Variants in DAG1 observed in about 807,000 individuals in gnomAD.
DAG1 encodes the protein dystroglycan 1 (dystrophin-associated glycoprotein 1).
DAG1 carries 8 observed loss-of-function variants against 46.1 expected under a neutral mutation model. The observed-to-expected ratio is 0.17, with a 90% CI of 0.10 to 0.31. The LOEUF is 0.31. DAG1 is among the 10% of genes least tolerant of loss of function. The pLI, the probability that DAG1 is intolerant of heterozygous loss-of-function variation, is 1.00. For missense variants in DAG1, 1,003 were observed against 1,189.9 expected, an observed-to-expected ratio of 0.84 and a Z score of 2.31; for synonymous variants, 495 against 481.8, an observed-to-expected ratio of 1.03 and a Z score of -0.36.
chr3:49,529,385 A>AG (rs973237319), intron 2 of DAG1, among the ~76,000 whole-genome samples: 1 of 152,152 alleles, frequency 6.6e-6, no homozygotes. Context: ...ATTAGTTTAA[A>AG]GGGGGGAAAT....
intron 2 of DAG1, among the ~76,000 whole-genome samples, chr3:49,524,833 C>T (rs2051124264): frequency 6.6e-6 from 1 of 151,838 alleles, no homozygotes; most frequent in African/African-American, 2.4e-5. Flanking sequence ...CCCACACACA[C>T]AAAATACCCG....
chr3:49,478,431 C>T lies in DAG1; in HGVS notation c.-117+7998C>T, dbSNP rs796874391. On this transcript the variant is annotated intron_variant, in intron 1 of 2. Coordinates refer to ENST00000308775, the MANE Select transcript of DAG1 (RefSeq NM_004393.6). Reference sequence around the variant, plus strand: ...GCAACAAAGAGAGACCCTGTCTCTACAAAAAATAAAAAAAAAAAAAAAAAT... The same window carrying T: ...GCAACAAAGAGAGACCCTGTCTCTATAAAAAATAAAAAAAAAAAAAAAAAT... 1.4e-3 allele frequency among the ~76,000 whole-genome samples: 93 copies of T among 64,896 alleles called. 3 individuals are homozygous for T. The highest frequency in any genetic ancestry group is 8.6e-4 in the Non-Finnish European group (31 of 35,910). 42.6% of individuals were successfully genotyped at this position (64,896 alleles called of 152,430 possible). A position where few individuals can be genotyped will look rare whatever the true frequency, so the allele number is the denominator to read the frequency against.
rs1320704950 is a variant in DAG1 at position 49,527,250 on chromosome 3, C to T, written c.286-3547C>T. 1.1e-4 allele frequency among the ~76,000 whole-genome samples: 16 copies of T among 145,198 alleles called. No individual in the cohort carries two copies. The South Asian group carries it at 2.2e-3, about 20-fold the overall frequency. On this transcript the variant is annotated intron_variant, in intron 2 of 2. Transcript: ENST00000308775. ...ACTAAAAATACGAAAAATTGCCGGGCGCGGTGGCTCACGCCTGTAATCCCA... is the reference window on the plus strand; with the variant it reads ...ACTAAAAATACGAAAAATTGCCGGGTGCGGTGGCTCACGCCTGTAATCCCA...
intron 2 of DAG1, among the ~76,000 whole-genome samples, chr3:49,515,816 T>G (rs1446708763): frequency 6.6e-6 from 1 of 152,138 alleles, no homozygotes; most frequent in African/African-American, 2.4e-5. Context: ...TACTTCTTCC[T>G]AGGCTCCCCC....
At chr3:49,520,219 C>T (rs1038548309) in intron 2 of DAG1, among the ~76,000 whole-genome samples, 2 of 152,334 alleles carry the variant, frequency 1.3e-5, no homozygotes, top group East Asian at 1.9e-4. Context: ...TGTGACTGCC[C>T]ATGTTCCTCA....
At chr3:49,492,721 A>G (rs1247226820) in intron 1 of DAG1, 1 of 152,192 alleles carries the variant, frequency 6.6e-6, no homozygotes, top group African/African-American at 2.4e-5. Flanking sequence ...TATAATTTAT[A>G]TATTTTTAAG....
upstream of DAG1, chr3:49,469,040 A>G (rs2049443870): frequency 6.6e-6 from 1 of 152,074 alleles, no homozygotes; most frequent in Admixed American, 6.6e-5. Flanking sequence ...ACTGAAGTAT[A>G]GATAATTGCA....
At chr3:49,508,588 C>T (rs929876745) in intron 1 of DAG1, among the ~76,000 whole-genome samples, 4 of 152,156 alleles carry the variant, frequency 2.6e-5, no homozygotes, top group Middle Eastern at 3.4e-3. Flanking sequence ...GTAGTAGAGA[C>T]GGGGTTTCAC....
chr3:49,491,152 G>A (rs1368067853), intron 1 of DAG1, among the ~76,000 whole-genome samples: 1 of 151,914 alleles, frequency 6.6e-6, no homozygotes, highest in African/African-American at 2.4e-5. Context: ...CCAAAGTACA[G>A]GCGTGAGCCA....
chr3:49,504,026 A>G (rs1276410661), intron 1 of DAG1, among the ~76,000 whole-genome samples: 1 of 152,138 alleles, frequency 6.6e-6, no homozygotes, highest in Non-Finnish European at 1.5e-5. Context: ...GCAAAACTAT[A>G]TAGTACAATA....
chr3:49,530,931 C>T lies in DAG1; in HGVS notation c.420C>T (p.Ala140=), dbSNP rs931172882. The change falls in exon 3 of 3, where the codon GCC becomes GCT. Residue 140 remains alanine, a synonymous_variant. Coordinates refer to ENST00000308775, the MANE Select transcript of DAG1 (RefSeq NM_004393.6). ...YISVSATRLG[A]NGSHIPQTSS... ...CAGTGAGCGCTACACGGCTGGGGGC[C>T]AACGGGAGCCACATCCCCCAGACCT... 2.5e-6 allele frequency: 4 copies of T among 1,614,004 alleles called. No individual in the cohort carries two copies. In the African/African-American group the frequency reaches 5.3e-5, roughly 22 times the overall value.
chr3:49,515,105 G>T (rs768202881), intron 2 of DAG1, among the ~76,000 whole-genome samples: 12 of 151,612 alleles, frequency 7.9e-5, no homozygotes, highest in Non-Finnish European at 1.6e-4. Context: ...AAGTGCTGGG[G>T]TTACAGGGGT....
chr3:49,512,197 AATTT>A (rs1162422743), intron 2 of DAG1, among the ~76,000 whole-genome samples: 2 of 151,428 alleles, frequency 1.3e-5, no homozygotes, highest in Non-Finnish European at 2.9e-5. Context: ...ACACCCAGCT[AATTT>A]ATTTATTTAT....
intron 1 of DAG1, among the ~76,000 whole-genome samples, chr3:49,500,758 C>T (rs2050427089): frequency 6.6e-6 from 1 of 152,152 alleles, no homozygotes; most frequent in African/African-American, 2.4e-5. Flanking sequence ...TTCTGTGGTT[C>T]CCAAGCACTC....
At position 49,532,902 on chromosome 3, in the gene DAG1, T is replaced by C. The variant is rs2051402637; in HGVS notation, c.2391T>C (p.Pro797=). 3.7e-6 allele frequency: 6 copies of C among 1,613,990 alleles called. No individual in the cohort carries two copies. Among genetic ancestry groups the C allele is most frequent in the Non-Finnish European group, 5.1e-6 (6 of 1,180,032 alleles). The part of the protein sequence containing the change: ...DQATFIKKGV[P]IIFADELDDS... ...CCACCTTCATCAAGAAGGGGGTGCC[T>C]ATCATCTTTGCAGACGAACTGGACG... The change falls in exon 3 of 3, where the codon CCT becomes CCC. Residue 797 remains proline, a synonymous_variant. Coordinates refer to ENST00000308775, the MANE Select transcript of DAG1 (RefSeq NM_004393.6). The surrounding 1 kb of genome is among the most constrained non-coding windows in gnomAD (Gnocchi z 5.4).
rs541088376 is a variant in DAG1, at chr3:49,533,937, C to T, written c.*738C>T. 5.0e-5 allele frequency: 8 copies of T among 159,870 alleles called. No individual in the cohort carries two copies. The South Asian group carries it at 5.5e-4, about 11-fold the overall frequency. 9.9% of individuals were successfully genotyped at this position (159,870 alleles called of 1,614,324 possible). A position where few individuals can be genotyped will look rare whatever the true frequency, so the allele number is the denominator to read the frequency against. ...GTCCCTGGTGCTGGGTTTGCTCTCC[C>T]GCTGTTGCCAGGGGCTGGAAGCTGG... On this transcript the variant is annotated 3_prime_UTR_variant, in exon 3 of 3. Coordinates refer to ENST00000308775, the MANE Select transcript of DAG1 (RefSeq NM_004393.6).
chr3:49,524,661 CAGTG>C (rs961286127), intron 2 of DAG1, among the ~76,000 whole-genome samples: 2 of 151,200 alleles, frequency 1.3e-5, no homozygotes, highest in Non-Finnish European at 2.9e-5. Flanking sequence ...AGTCTGGTGA[CAGTG>C]AGTGAGACCC....
Position 49,532,344 on chromosome 3 carries a change from G to A in DAG1, c.1833G>A (p.Lys611=). ...GDRAPARFKA[K]FVGDPALVLN... is the part of the protein sequence containing the mutation. The stretch of plus-strand genomic sequence containing the variant: ...GGGCTCCTGCAAGGTTCAAGGCCAA[G>A]TTTGTGGGTGACCCGGCACTGGTGT... Residue 611 remains lysine (K), a synonymous_variant, in exon 3 of 3, where the codon AAG becomes AAA. Transcript: ENST00000308775. This position sits in a 1 kb window ranked among gnomAD's most constrained non-coding sequence, Gnocchi z 5.4. The A allele has an allele frequency of 6.2e-7, 1 of 1,614,172 alleles. No individual in the cohort carries two copies. The highest frequency in any genetic ancestry group is 2.2e-5 in the East Asian group (1 of 44,894).
chr3:49,524,053 C>G (rs1454720382), intron 2 of DAG1, among the ~76,000 whole-genome samples: 2 of 152,174 alleles, frequency 1.3e-5, no homozygotes, highest in Admixed American at 6.5e-5. Flanking sequence ...GAGAAGTGAT[C>G]CAGAGCCTAT....
Sources: allele counts gnomAD v4.1 joint callset (sites outside exome capture counted in the v4.1 genomes callset), GRCh38; gene constraint gnomAD v4.1.1; non-coding constraint Gnocchi (gnomAD v3.1); transcripts MANE v1.5; gene names NCBI Gene and HGNC (gene_info 2026-07-23, HGNC 2026-07-21).